The following DMD variants were observed in gnomAD, a reference collection of about 807,000 sequenced individuals.
DMD encodes dystrophin.
In DMD, 63 loss-of-function variants were observed where a neutral mutation model predicts 330.1. The ratio of observed to expected loss-of-function variants is 0.19; its 90% confidence interval spans 0.16 to 0.24. The LOEUF (loss-of-function observed/expected upper bound fraction) is 0.24. Among genes scored for constraint, DMD ranks in the 10% least tolerant of loss-of-function variants. The probability of loss-of-function intolerance (pLI) is 1.00; values close to 1 mark genes in which losing one functional copy is unlikely to be tolerated. For missense variants in DMD, 3,344 were observed against 2,684.1 expected, an observed-to-expected ratio of 1.25 and a Z score of -5.43; for synonymous variants, 1,223 against 959.8, an observed-to-expected ratio of 1.27 and a Z score of -5.07.
chrX:32,705,015 A>G (rs1270444789), intron 7 of DMD, among the ~76,000 whole-genome samples: 1 of 112,246 alleles, frequency 8.9e-6, no homozygotes, highest in Non-Finnish European at 1.9e-5. Context: ...ATATCATGGC[A>G]ATGGACTAAT....
Position 32,175,282 on chromosome X carries a change from TTGTAAAACGCACCAATCAGCGCTC to T in DMD, c.6438+41610_6438+41633del, listed in dbSNP as rs759484203. On this transcript the variant is annotated intron_variant, in intron 44 of 78. Coordinates refer to ENST00000357033, the MANE Select transcript of DMD (RefSeq NM_004006.3). ...GGAACCTTCCCGTCTTACAAGAGGA[TTGTAAAACGCACCAATCAGCGCTC>T]TGTAAAATGCACCAATCAGTAGGAT... is the stretch of plus-strand genomic sequence containing the variant. 3.0e-3 allele frequency among the ~76,000 whole-genome samples: 335 copies of T among 110,501 alleles called. 2 individuals carry two copies. The highest frequency in any genetic ancestry group is 0.01 in the African/African-American group (314 of 30,353).
intron 44 of DMD, among the ~76,000 whole-genome samples, chrX:32,003,159 T>C (rs2150367450): frequency 8.9e-6 from 1 of 112,119 alleles, no homozygotes; most frequent in African/African-American, 3.2e-5. Context: ...CTCAACCAGA[T>C]AGTTAAATTT....
At chrX:32,559,739 T>C (rs755075415) in intron 16 of DMD, among the ~76,000 whole-genome samples, 156 of 112,208 alleles carry the variant, frequency 1.4e-3, no homozygotes, top group Admixed American at 2.5e-3. Flanking sequence ...ATTTTGGGTA[T>C]AATAAAAAGC....
chrX:32,674,785 T>C (rs1363038445), intron 9 of DMD, among the ~76,000 whole-genome samples: 1 of 111,246 alleles, frequency 9.0e-6, no homozygotes, highest in Admixed American at 9.6e-5. Flanking sequence ...CGAAAAGTTA[T>C]GGAGGGTAGG....
chrX:32,041,317 C>G (rs139275724), intron 44 of DMD, among the ~76,000 whole-genome samples: 385 of 111,956 alleles, frequency 3.4e-3, no homozygotes, highest in Middle Eastern at 9.3e-3. Context: ...GTCTCTCCCC[C>G]CTTCCTGGTG....
Position 31,453,682 on chromosome X carries a change from A to G in DMD, c.8938-9055T>C, listed in dbSNP as rs1215724526. ...TTTGTAAAAGAAGAAACTTGAACAAATTTTATTAATTTCCTTGGGAAAATG... is the reference window on the plus strand; with the variant it reads ...TTTGTAAAAGAAGAAACTTGAACAAGTTTTATTAATTTCCTTGGGAAAATG... On this transcript the variant is annotated intron_variant, in intron 59 of 78. Transcript: ENST00000357033. Among the ~76,000 whole-genome samples the G allele has an allele frequency of 7.3e-5, 7 of 96,488 alleles. No individual in the cohort carries two copies. The East Asian group carries it at 1.8e-3, about 25-fold the overall frequency. 83.8% of individuals were successfully genotyped at this position (96,488 alleles called of 115,157 possible).
intron 32 of DMD, among the ~76,000 whole-genome samples, chrX:32,387,938 G>A (rs1282558231): frequency 9.0e-6 from 1 of 111,387 alleles, no homozygotes; most frequent in African/African-American, 3.2e-5. Context: ...TATAAACAAA[G>A]GGGAGAAATA....
chrX:32,364,643 G>C lies in DMD; in HGVS notation c.5093C>G (p.Ala1698Gly). The C allele has an allele frequency of 8.3e-7, 1 of 1,209,412 alleles. No individual in the cohort carries two copies. The highest frequency in any genetic ancestry group is 1.1e-6 in the Non-Finnish European group (1 of 893,684). ...CTCTGATTCATCCAAAAGTGTGTCAGCCTGAATGATCCACTTTGTGATGTG... is the reference window on the plus strand; with the variant it reads ...CTCTGATTCATCCAAAAGTGTGTCACCCTGAATGATCCACTTTGTGATGTG... ...VDHITKWIIQ[A>G]DTLLDESEKK... Residue 1698 changes from alanine to glycine, a missense_variant, in exon 36 of 79, where the codon GCT becomes GGT. By Grantham distance (60) the Ala-to-Gly change is moderately conservative. Transcript: ENST00000357033.
At chrX:31,918,548 C>T (rs774004297) in intron 47 of DMD, among the ~76,000 whole-genome samples, 204 of 111,766 alleles carry the variant, frequency 1.8e-3, no homozygotes, top group African/African-American at 6.3e-3. Flanking sequence ...ATCCTTCACC[C>T]GAAGTAGAAA....
chrX:32,118,541 C>T lies in DMD; in HGVS notation c.6438+98375G>A, dbSNP rs763286192. Among the ~76,000 whole-genome samples, 3 of 110,801 alleles carry T rather than the reference C, an allele frequency of 2.7e-5. No homozygotes were observed. The East Asian group carries it at 8.7e-4, about 32-fold the overall frequency. ...GCTGATATTGCTTTGGTTATCAAAG[C>T]AATATCAGCATGACCTGGGAACTTA... On this transcript the variant is annotated intron_variant, in intron 44 of 78. Transcript: ENST00000357033.
At chrX:31,506,407 A>C (rs1445743951) in intron 56 of DMD, among the ~76,000 whole-genome samples, 2 of 112,081 alleles carry the variant, frequency 1.8e-5, no homozygotes, top group African/African-American at 6.5e-5. Context: ...CTTTTTCTCT[A>C]GACACAGAAG....
intron 7 of DMD, among the ~76,000 whole-genome samples, chrX:32,755,429 A>ATTCATATAGCTGTATGT (rs2071385327): frequency 9.0e-6 from 1 of 111,702 alleles, no homozygotes; most frequent in South Asian, 3.7e-4. Context: ...GCTGTATTCT[A>ATTCATATAGCTGTATGT]AATCTTTTTG....
intron 37 of DMD, among the ~76,000 whole-genome samples, chrX:32,359,824 C>G (rs938150061): frequency 1.1e-3 from 121 of 110,145 alleles, no homozygotes; most frequent in African/African-American, 3.7e-3. Flanking sequence ...TTTCCCCCAT[C>G]TAGTAACTCT....
intron 41 of DMD, among the ~76,000 whole-genome samples, chrX:32,324,194 C>T (rs1603630749): frequency 9.0e-6 from 1 of 111,175 alleles, no homozygotes; most frequent in African/African-American, 3.3e-5. Context: ...ATGATGGATA[C>T]CCTAACTATC....
At chrX:33,335,985 T>A (rs752704606) in intron 1 of DMD, among the ~76,000 whole-genome samples, 1 of 111,326 alleles carries the variant, frequency 9.0e-6, no homozygotes, top group Admixed American at 9.6e-5. Context: ...TCAGATAACA[T>A]TGGAGAATCA....
At chrX:32,621,874 T>C (rs2058023394) in intron 11 of DMD, among the ~76,000 whole-genome samples, 2 of 111,234 alleles carry the variant, frequency 1.8e-5, no homozygotes, top group African/African-American at 3.3e-5. Context: ...GAAGTGCAAA[T>C]TCAAAACTTG....
rs2089749128 is a variant in DMD at position 31,763,271 on chromosome X, T to C, written c.7542+10689A>G. Among the ~76,000 whole-genome samples the C allele has an allele frequency of 5.3e-5, 6 of 112,569 alleles. No individual in the cohort carries two copies. The South Asian group carries it at 2.2e-3, about 41-fold the overall frequency. ...CTGAATCATTGATGAAAAAGACCAA[T>C]ACATATTGGCAGCCGGGCACGGTGG... On this transcript the variant is annotated intron_variant, in intron 51 of 78. Coordinates refer to ENST00000357033, the MANE Select transcript of DMD (RefSeq NM_004006.3).
At chrX:31,565,013 C>T (rs2075391651) in intron 55 of DMD, among the ~76,000 whole-genome samples, 1 of 112,140 alleles carries the variant, frequency 8.9e-6, no homozygotes, top group Non-Finnish European at 1.9e-5. Context: ...AGATAAATGA[C>T]TGTTGAAGTC....
intron 37 of DMD, among the ~76,000 whole-genome samples, chrX:32,356,078 T>G (rs2097798051): frequency 9.0e-6 from 1 of 110,582 alleles, no homozygotes; most frequent in Non-Finnish European, 1.9e-5. Context: ...AAAATTAAGC[T>G]TTAATTAAAA....
Sources: allele counts gnomAD v4.1 joint callset (sites outside exome capture counted in the v4.1 genomes callset), GRCh38; gene constraint gnomAD v4.1.1; transcripts MANE v1.5; gene names NCBI Gene and HGNC (gene_info 2026-07-23, HGNC 2026-07-21).